Variants in NRXN3 observed in about 807,000 individuals in gnomAD.
NRXN3 encodes neurexin III.
A neutral mutation model predicts 137.6 loss-of-function variants in NRXN3; 32 were observed. The observed-to-expected ratio is 0.23, with a 90% CI of 0.18 to 0.31. The LOEUF (loss-of-function observed/expected upper bound fraction) is 0.31. Ranked by LOEUF, NRXN3 falls within the 10% of genes least tolerant of loss-of-function variation. The pLI is 1.00. For synonymous variants in NRXN3, 798 were observed against 784.5 expected (o/e 1.02, Z -0.29); for missense variants, 1,574 against 2,062.5 (o/e 0.76, Z 4.59).
chr14:78,584,287 T>C (rs1033998700), intron 4 of NRXN3, among the ~76,000 whole-genome samples: 1 of 152,212 alleles, frequency 6.6e-6, no homozygotes, highest in Non-Finnish European at 1.5e-5. Flanking sequence ...TACATCAGCT[T>C]TTGGTCATCA....
At chr14:79,746,036 C>T (rs751007330) in intron 19 of NRXN3, among the ~76,000 whole-genome samples, 16 of 152,166 alleles carry the variant, frequency 1.1e-4, no homozygotes, top group Admixed American at 2.0e-4. Flanking sequence ...TCTGAGGTAG[C>T]GGGGATTAGA....
chr14:79,271,691 TA>T (rs2079355157), intron 15 of NRXN3, among the ~76,000 whole-genome samples: 1 of 152,150 alleles, frequency 6.6e-6, no homozygotes, highest in Non-Finnish European at 1.5e-5. Flanking sequence ...CTTTGGGCTT[TA>T]AAGGTTTAAG....
At chr14:78,608,904 A>G (rs976396402) in intron 4 of NRXN3, among the ~76,000 whole-genome samples, 1 of 152,154 alleles carries the variant, frequency 6.6e-6, no homozygotes, top group Non-Finnish European at 1.5e-5. Flanking sequence ...TGTGAGTAGG[A>G]CACAGATTGG....
chr14:78,363,880 A>G (rs1464359974), intron 4 of NRXN3, among the ~76,000 whole-genome samples: 1 of 151,394 alleles, frequency 6.6e-6, no homozygotes, highest in Admixed American at 6.6e-5. Flanking sequence ...GTTTTTGAGA[A>G]CCTCCCTTCT....
intron 19 of NRXN3, among the ~76,000 whole-genome samples, chr14:79,733,904 A>G (rs2098933120): frequency 6.6e-6 from 1 of 152,142 alleles, no homozygotes; most frequent in South Asian, 2.1e-4. Context: ...TTGCTCTGAT[A>G]ATGGCCAGTA....
At chr14:78,770,404 T>C (rs1349382160) in intron 8 of NRXN3, among the ~76,000 whole-genome samples, 2 of 152,156 alleles carry the variant, frequency 1.3e-5, no homozygotes, top group African/African-American at 2.4e-5. Context: ...TTTGGCCAGG[T>C]TCCTGTGCTC....
At chr14:78,816,682 C>T (rs7151701) in intron 10 of NRXN3, among the ~76,000 whole-genome samples, 151,980 of 152,308 alleles carry the variant, frequency 1, 75,826 homozygotes, top group East Asian at 1. Context: ...AAAAGTAGAA[C>T]TGCTGAGTCA....
intron 15 of NRXN3, among the ~76,000 whole-genome samples, chr14:79,361,480 G>A (rs2093678724): frequency 1.3e-5 from 2 of 152,174 alleles, no homozygotes; most frequent in Non-Finnish European, 2.9e-5. Flanking sequence ...ACTTTGGGAG[G>A]CCGAGGTGGG....
intron 15 of NRXN3, among the ~76,000 whole-genome samples, chr14:79,394,937 C>T (rs974894411): frequency 2.0e-5 from 3 of 152,082 alleles, no homozygotes; most frequent in Non-Finnish European, 4.4e-5. Flanking sequence ...GCTAAAGAGC[C>T]CGCATTCTTC....
chr14:78,896,037 G>A (rs1272737185), intron 10 of NRXN3, among the ~76,000 whole-genome samples: 1 of 151,904 alleles, frequency 6.6e-6, no homozygotes, highest in Non-Finnish European at 1.5e-5. Flanking sequence ...ATGTGATGTA[G>A]TGACATGAAT....
intron 4 of NRXN3, among the ~76,000 whole-genome samples, chr14:78,625,783 A>G (rs1050428269): frequency 3.9e-5 from 6 of 152,196 alleles, no homozygotes; most frequent in African/African-American, 1.4e-4. Context: ...GCATCAATTG[A>G]TGGATCTCAG....
intron 19 of NRXN3, 106 bp from the exon 20 acceptor site, chr14:79,805,006 G>A (rs1338900855): frequency 2.7e-6 from 2 of 752,152 alleles, no homozygotes; most frequent in Admixed American, 2.1e-5. Flanking sequence ...AATGATGGGA[G>A]ATGGGACACA....
At chr14:78,892,485 C>A (rs180851076) in intron 10 of NRXN3, among the ~76,000 whole-genome samples, 4 of 151,756 alleles carry the variant, frequency 2.6e-5, no homozygotes, top group Admixed American at 2.6e-4. Context: ...AGACATTGTT[C>A]TGAAAGACAT....
At chr14:78,379,563 C>A (rs1224387001) in intron 4 of NRXN3, among the ~76,000 whole-genome samples, 7 of 152,282 alleles carry the variant, frequency 4.6e-5, no homozygotes, top group Non-Finnish European at 1.0e-4. Context: ...TTCAACACTT[C>A]TTTATGATAA....
chr14:79,144,900 A>C (rs2059149485), intron 15 of NRXN3, among the ~76,000 whole-genome samples: 1 of 150,572 alleles, frequency 6.6e-6, no homozygotes, highest in Admixed American at 6.6e-5. Context: ...TTTTTTTGAA[A>C]ATCTTAGCAA....
At chr14:79,017,280 C>A (rs1033558858) in intron 15 of NRXN3, among the ~76,000 whole-genome samples, 7 of 151,692 alleles carry the variant, frequency 4.6e-5, no homozygotes, top group East Asian at 3.9e-4. Flanking sequence ...TCTAGCCCTG[C>A]CAAGCAACTG....
intron 4 of NRXN3, among the ~76,000 whole-genome samples, chr14:78,575,124 A>G (rs1453427186): frequency 6.6e-6 from 1 of 152,100 alleles, no homozygotes; most frequent in African/African-American, 2.4e-5. Flanking sequence ...CCCTGTGAGG[A>G]GGTGACTTTT....
At chr14:79,654,768 CAG>C (rs2098497161) in intron 16 of NRXN3, among the ~76,000 whole-genome samples, 1 of 151,982 alleles carries the variant, frequency 6.6e-6, no homozygotes, top group Admixed American at 6.6e-5. Flanking sequence ...AGAATTTAGA[CAG>C]GGAATTTATC....
chr14:79,584,877 A>G (rs902241551), intron 16 of NRXN3, among the ~76,000 whole-genome samples: 3 of 152,328 alleles, frequency 2.0e-5, no homozygotes, highest in Admixed American at 6.5e-5. Context: ...TGAAGCCTCT[A>G]TTCGATTAAT....
Sources: allele counts gnomAD v4.1 joint callset (sites outside exome capture counted in the v4.1 genomes callset), GRCh38; gene constraint gnomAD v4.1.1; transcripts MANE v1.5; gene names NCBI Gene and HGNC (gene_info 2026-07-23, HGNC 2026-07-21).